The following CERS6 variants were observed in gnomAD, a reference collection of about 807,000 sequenced individuals.
CERS6 encodes LAG1 homolog, ceramide synthase 6.
Under a neutral mutation model 56.8 loss-of-function variants are expected in CERS6, and 26 were observed. The ratio of observed to expected loss-of-function variants is 0.46; its 90% CI spans 0.34 to 0.63. The LOEUF (loss-of-function observed/expected upper bound fraction) is 0.63. Ranked by LOEUF, CERS6 falls within the 30% of genes least tolerant of loss-of-function variation. The pLI, the probability that CERS6 is intolerant of heterozygous loss-of-function variation, is 0.01. For missense variants in CERS6, 415 were observed against 467.5 expected (o/e 0.89, Z 1.04); for synonymous variants, 164 against 173.3 (o/e 0.95, Z 0.42).
At chr2:168,536,107 A>G (rs964242261) in intron 1 of CERS6, among the ~76,000 whole-genome samples, 7 of 152,222 alleles carry the variant, frequency 4.6e-5, no homozygotes, top group African/African-American at 1.4e-4. Context: ...TCCTAAATTC[A>G]AGTGGCAGAG....
At chr2:168,563,238 C>A (rs1301795366) in intron 3 of CERS6, among the ~76,000 whole-genome samples, 2 of 152,154 alleles carry the variant, frequency 1.3e-5, no homozygotes, top group Non-Finnish European at 2.9e-5. Flanking sequence ...GTAGCAAGTA[C>A]TAACATTAGA....
intron 4 of CERS6, among the ~76,000 whole-genome samples, chr2:168,645,427 T>C (rs1225845947): frequency 1.3e-5 from 2 of 151,730 alleles, no homozygotes; most frequent in Non-Finnish European, 2.9e-5. Flanking sequence ...ATAATGAATA[T>C]AGTTTTTTGA....
chr2:168,746,775 GTATATATATATATATATATATATA>G (rs71003053), intron 8 of CERS6, among the ~76,000 whole-genome samples: 51 of 38,990 alleles, frequency 1.3e-3, no homozygotes, highest in African/African-American at 1.9e-3. Context: ...AGGGTAAAGG[GTATATATATATATATATATATATA>G]TATATATATA....
chr2:168,768,480 A>C (rs1684779314), intron 9 of CERS6, among the ~76,000 whole-genome samples: 1 of 146,996 alleles, frequency 6.8e-6, no homozygotes, highest in Non-Finnish European at 1.5e-5. Context: ...TGATCCACCC[A>C]CCTCAGGCTC....
intron 1 of CERS6, among the ~76,000 whole-genome samples, chr2:168,535,196 T>C (rs73020588): frequency 7.2e-5 from 11 of 152,240 alleles, no homozygotes; most frequent in Non-Finnish European, 1.0e-4. Flanking sequence ...GGAGCTCATA[T>C]GGCTTAGACA....
intron 3 of CERS6, among the ~76,000 whole-genome samples, chr2:168,570,964 G>A (rs897066948): frequency 3.9e-5 from 6 of 152,100 alleles, no homozygotes; most frequent in African/African-American, 7.2e-5. Flanking sequence ...CTGCGCATTG[G>A]TAAAGTTATT....
At chr2:168,684,278 A>G (rs918373485) in intron 4 of CERS6, among the ~76,000 whole-genome samples, 7 of 152,134 alleles carry the variant, frequency 4.6e-5, no homozygotes, top group Admixed American at 1.3e-4. Context: ...TGGTAGATTT[A>G]TAGTCACATG....
chr2:168,687,185 G>A (rs140178817), intron 4 of CERS6, among the ~76,000 whole-genome samples: 3 of 152,330 alleles, frequency 2.0e-5, no homozygotes, highest in Non-Finnish European at 4.4e-5. Flanking sequence ...AAGGAGGCTG[G>A]ATGAGAAGCT....
chr2:168,685,995 G>A (rs1423389941), intron 4 of CERS6, among the ~76,000 whole-genome samples: 1 of 150,322 alleles, frequency 6.7e-6, no homozygotes, highest in Non-Finnish European at 1.5e-5. Flanking sequence ...TAGTTGACGT[G>A]TAATTTAATA....
chr2:168,552,536 A>C (rs1197562793), intron 2 of CERS6, among the ~76,000 whole-genome samples: 3 of 152,178 alleles, frequency 2.0e-5, no homozygotes, highest in Non-Finnish European at 4.4e-5. Context: ...GGAAGTGAAA[A>C]GCATGAAGTG....
chr2:168,677,977 A>G (rs181040225), intron 4 of CERS6, among the ~76,000 whole-genome samples: 2 of 152,374 alleles, frequency 1.3e-5, no homozygotes, highest in Admixed American at 1.3e-4. Context: ...AGAAATGCTA[A>G]TCAAAACCAC....
intron 4 of CERS6, among the ~76,000 whole-genome samples, chr2:168,674,657 C>T (rs761491574): frequency 1.3e-5 from 2 of 152,174 alleles, no homozygotes; most frequent in South Asian, 2.1e-4. Flanking sequence ...AGAAACTTAG[C>T]GGCACAGTGG....
intron 6 of CERS6, among the ~76,000 whole-genome samples, chr2:168,698,098 C>A (rs1218012417): frequency 8.6e-5 from 13 of 151,974 alleles, no homozygotes; most frequent in Non-Finnish European, 1.9e-4. Context: ...AAGTTCAAGA[C>A]CAGCCTGAGC....
Position 168,759,902 on chromosome 2 carries a change from T to A in CERS6, c.846-5690T>A, listed in dbSNP as rs1409985290. Among the ~76,000 whole-genome samples the A allele has an allele frequency of 3.9e-5, 6 of 152,078 alleles. No homozygotes were observed. The South Asian group carries it at 8.3e-4, about 21-fold the overall frequency. On this transcript the variant is annotated intron_variant, in intron 8 of 9. Coordinates refer to ENST00000305747, the MANE Select transcript of CERS6 (RefSeq NM_203463.3). Reference sequence around the variant, plus strand: ...AAAAGCTGTACGTTGTGTGTGTTTTTTTTTGTACATATGTGTTTTGTTTGG... The same window carrying A: ...AAAAGCTGTACGTTGTGTGTGTTTTATTTTGTACATATGTGTTTTGTTTGG...
chr2:168,565,528 T>C (rs954618411), intron 3 of CERS6, among the ~76,000 whole-genome samples: 1 of 152,206 alleles, frequency 6.6e-6, no homozygotes, highest in African/African-American at 2.4e-5. Context: ...ATTTTTCTAT[T>C]ATATAAGTTC....
intron 1 of CERS6, among the ~76,000 whole-genome samples, chr2:168,542,656 T>A (rs1199543896): frequency 6.6e-6 from 1 of 152,160 alleles, no homozygotes. Flanking sequence ...GATTGTAAAC[T>A]TCATTGAGTA....
chr2:168,718,361 G>A (rs1304708706), intron 8 of CERS6, among the ~76,000 whole-genome samples: 1 of 152,186 alleles, frequency 6.6e-6, no homozygotes, highest in Non-Finnish European at 1.5e-5. Context: ...GGTTGTCCCT[G>A]GATTAGCAGT....
intron 3 of CERS6, among the ~76,000 whole-genome samples, chr2:168,569,542 C>T (rs542006427): frequency 9.2e-5 from 14 of 152,340 alleles, no homozygotes; most frequent in African/African-American, 2.6e-4. Flanking sequence ...CGTGCACACG[C>T]GTGTGTGCAT....
chr2:168,501,820 C>G (rs753372185), intron 1 of CERS6, among the ~76,000 whole-genome samples: 6 of 152,140 alleles, frequency 3.9e-5, no homozygotes, highest in Non-Finnish European at 7.3e-5. Flanking sequence ...AACGAGTTCC[C>G]CTATCACTGC....
Sources: allele counts gnomAD v4.1 joint callset (sites outside exome capture counted in the v4.1 genomes callset), GRCh38; gene constraint gnomAD v4.1.1; transcripts MANE v1.5; gene names NCBI Gene and HGNC (gene_info 2026-07-23, HGNC 2026-07-21).